FN1: variants seen among roughly 807,000 people sequenced by gnomAD.
FN1 encodes fibronectin 1.
In FN1, 106 loss-of-function variants were observed where a neutral mutation model predicts 297.3. The ratio of observed to expected loss-of-function variants is 0.36; its 90% confidence interval spans 0.30 to 0.42. The LOEUF (loss-of-function observed/expected upper bound fraction) is 0.42. Among genes scored for constraint, FN1 ranks in the 10% least tolerant of loss-of-function variants. The pLI, the probability that FN1 is intolerant of heterozygous loss-of-function variation, is 1.00. For synonymous variants in FN1, 1,149 were observed against 1,152.6 expected (o/e 1.00, Z 0.06); for missense variants, 2,690 against 3,124.9 (o/e 0.86, Z 3.32).
At chr2:215,408,662 G>C (rs994086932) in intron 15 of FN1, among the ~76,000 whole-genome samples, 1 of 152,098 alleles carries the variant, frequency 6.6e-6, no homozygotes, top group Non-Finnish European at 1.5e-5. Flanking sequence ...CTACCTTTCC[G>C]GTTCAAGCAA....
rs557049566 is a variant in FN1, at chr2:215,365,579, C to T, written c.7070G>A (p.Arg2357His). 29 of 1,613,984 alleles carry T rather than the reference C, an allele frequency of 1.8e-5. No homozygotes were observed. Among genetic ancestry groups the T allele is most frequent in the East Asian group, 6.7e-5 (3 of 44,866 alleles). The change falls in exon 43 of 46, where the codon CGT (arginine) becomes CAT (histidine). Residue 2357 changes from arginine to histidine, a missense_variant. Arg to His is a conservative substitution (Grantham distance 29). Around this residue, in one of 3 missense-constraint regions of FN1, gnomAD observed 1,743 missense variants for 1,945.2 expected, o/e 0.90. Coordinates refer to ENST00000354785, the MANE Select transcript of FN1 (RefSeq NM_212482.4). ...VNYKIGEKWD[R>H]QGENGQMMSC... ...CATCATCTGGCCATTTTCTCCCTGA[C>T]GGTCCCACTTCTCTCCAATCTTGTA...
At position 215,392,165 on chromosome 2, in the gene FN1, G is replaced by C; in HGVS notation, c.4070-351C>G. On this transcript the variant is annotated intron_variant, in intron 25 of 45. Transcript: ENST00000354785. Reference sequence around the variant, plus strand: ...TTGCCACACAGCAAAGAGAAACATAGCAGTACTTTACAAAGAAATACATGC... The same window carrying C: ...TTGCCACACAGCAAAGAGAAACATACCAGTACTTTACAAAGAAATACATGC... 1.1e-5 allele frequency: 3 copies of C among 283,398 alleles called. No homozygotes were observed. The South Asian group carries it at 1.1e-4, about 11-fold the overall frequency. 17.6% of individuals were successfully genotyped at this position (283,398 alleles called of 1,614,324 possible).
At chr2:215,380,338 C>CGCCGTATCAT in intron 33 of FN1, 1 of 179,096 alleles carries the variant, frequency 5.6e-6, no homozygotes, top group South Asian at 1.3e-4. Flanking sequence ...TCCTAGGTGT[C>CGCCGTATCAT]TAAATCACAA....
Position 215,430,711 on chromosome 2 carries a change from A to T in FN1, c.685+4T>A, listed in dbSNP as rs749784907. Reference sequence around the variant, plus strand: ...AATCTTTAACATAAAGATGTAAAACATACTTCTAGAAGTGCAAGTGATGCG... The same window carrying T: ...AATCTTTAACATAAAGATGTAAAACTTACTTCTAGAAGTGCAAGTGATGCG... On this transcript the variant is annotated splice_donor_region_variant and intron_variant, in intron 5 of 45. Transcript: ENST00000354785. 2 of 1,613,990 alleles carry T rather than the reference A, an allele frequency of 1.2e-6. No homozygotes were observed. Among genetic ancestry groups the T allele is most frequent in the East Asian group, 4.5e-5 (2 of 44,870 alleles).
At chr2:215,387,005 A>G in intron 27 of FN1, 47 bp from the exon 28 acceptor site, 1 of 1,547,850 alleles carries the variant, frequency 6.5e-7, no homozygotes, top group Non-Finnish European at 8.8e-7. Flanking sequence ...AAGAAAAGAC[A>G]CCACCAGTTT....
At position 215,423,532 on chromosome 2, in the gene FN1, AG is replaced by A. The variant is rs1332273110; in HGVS notation, c.1217-7del. ...TCCTCGAGTCTGAACCAAAACTGCC[AG>A]GAACAATACACAACAAAGAAGGAAA... is the stretch of plus-strand genomic sequence containing the variant. On this transcript the variant is annotated splice_polypyrimidine_tract_variant and splice_region_variant and intron_variant, in intron 8 of 45. Coordinates refer to ENST00000354785, the MANE Select transcript of FN1 (RefSeq NM_212482.4). The A allele has an allele frequency of 9.3e-6, 15 of 1,613,868 alleles. No homozygotes were observed. Among genetic ancestry groups the A allele is most frequent in the Non-Finnish European group, 1.2e-5 (14 of 1,179,750 alleles).
intron 15 of FN1, among the ~76,000 whole-genome samples, 195 bp from the exon 16 acceptor site, chr2:215,408,621 G>A (rs1251104143): frequency 2.0e-5 from 3 of 152,188 alleles, no homozygotes; most frequent in Non-Finnish European, 4.4e-5. Context: ...AGGCTGGAGT[G>A]CAGTGGCACA....
Position 215,379,172 on chromosome 2 carries a change from G to T in FN1, c.5580C>A (p.Asn1860Lys), listed in dbSNP as rs2057820660. Residue 1860 changes from asparagine to lysine, a missense_variant, in exon 34 of 46, where the codon AAC (asparagine) becomes AAA (lysine). Coordinates refer to ENST00000354785, the MANE Select transcript of FN1 (RefSeq NM_212482.4). ...KEKTGPMKEI[N>K]LAPDSSSVVV... Reference sequence around the variant, plus strand: ...CCACGGATGAGCTGTCAGGAGCAAGGTTGATTTCTTTCATTGGTCCGGTCT... The same window carrying T: ...CCACGGATGAGCTGTCAGGAGCAAGTTTGATTTCTTTCATTGGTCCGGTCT... 1 of 1,613,966 alleles carries T rather than the reference G, an allele frequency of 6.2e-7. No homozygotes were observed. The highest frequency in any genetic ancestry group is 8.5e-7 in the Non-Finnish European group (1 of 1,180,012).
In FN1 at chr2:215,406,464, G is replaced by A. The variant is rs764538393; in HGVS notation, c.2760C>T (p.Asp920=). The change falls in exon 19 of 46, where the codon GAC becomes GAT. Residue 920 remains aspartate (D), a synonymous_variant. Transcript: ENST00000354785. ...GTGTCCACATGATGGTGACCTTCAC[G>A]TCTGTCACTTCCACAAACTGCAGGT... ...PRDLQFVEVT[D]VKVTIMWTPP... The A allele has an allele frequency of 2.2e-5, 36 of 1,613,998 alleles. No homozygotes were observed. Among genetic ancestry groups the A allele is most frequent in the African/African-American group, 1.9e-4 (14 of 74,948 alleles).
intron 42 of FN1, among the ~76,000 whole-genome samples, chr2:215,365,966 A>ATT (rs559516647): frequency 0.067 from 6,007 of 90,282 alleles, 332 homozygotes; most frequent in Middle Eastern, 0.1. Context: ...CCACAGTGCT[A>ATT]TTTTTTTTTT....
At chr2:215,406,570 C>T in intron 18 of FN1, 60 bp from the exon 19 acceptor site, 1 of 1,567,906 alleles carries the variant, frequency 6.4e-7, no homozygotes, top group Admixed American at 1.8e-5. Context: ...TTTTAAGAAG[C>T]CAGTTTCTTG....
chr2:215,373,892 C>T (rs915728612), intron 38 of FN1, among the ~76,000 whole-genome samples: 6 of 151,984 alleles, frequency 3.9e-5, no homozygotes, highest in African/African-American at 1.5e-4. Flanking sequence ...CCGTGTTAGC[C>T]AGGATGGTCT....
At chr2:215,414,122 C>T (rs1333486031) in intron 13 of FN1, among the ~76,000 whole-genome samples, 1 of 151,984 alleles carries the variant, frequency 6.6e-6, no homozygotes, top group Non-Finnish European at 1.5e-5. Flanking sequence ...TTTTTTTCTC[C>T]TGTGTTTAAA....
In FN1 at chr2:215,373,217, C is replaced by T. The variant is rs2056585715; in HGVS notation, c.6247+105G>A. On this transcript the variant is annotated intron_variant, in intron 39 of 45. Transcript: ENST00000354785. ...CTATGCTGTTAGATAAAAAAAATCA[C>T]AAGAAATGCATCAAAACATGGAGAA... The T allele has an allele frequency of 2.4e-5, 21 of 884,866 alleles. No homozygotes were observed. The South Asian group carries it at 2.6e-4, about 11-fold the overall frequency. 54.8% of individuals were successfully genotyped at this position (884,866 alleles called of 1,614,324 possible). A position where few individuals can be genotyped will look rare whatever the true frequency, so the allele number is the denominator to read the frequency against.
intron 13 of FN1, among the ~76,000 whole-genome samples, chr2:215,412,758 A>ATTTTTTTT (rs1267705576): frequency 3.8e-5 from 2 of 51,964 alleles, no homozygotes; most frequent in African/African-American, 7.0e-5. Flanking sequence ...TATATTAAGT[A>ATTTTTTTT]TCTTTTTTTT....
rs1230302421 is a variant in FN1, at chr2:215,397,812, G to A, written c.3385C>T (p.Arg1129Ter). The change falls in exon 22 of 46, where the codon CGA becomes TGA. Residue 1129 changes from arginine to a stop codon, truncating the protein, a stop_gained. Transcript: ENST00000354785. LOFTEE classifies it high-confidence loss of function. ...VRPSQGGEAP[R>*]EVTSDSGSIV... ...CTTCCTGAGTCTGAAGTCACTTCTC[G>A]TGGTGCCTCTCCTCCCTGGCTTGGT... The A allele has an allele frequency of 1.2e-6, 2 of 1,614,012 alleles. No individual in the cohort carries two copies. The highest frequency in any genetic ancestry group is 2.2e-5 in the East Asian group (1 of 44,884).
intron 13 of FN1, among the ~76,000 whole-genome samples, chr2:215,410,805 C>G: frequency 6.6e-6 from 1 of 152,172 alleles, no homozygotes; most frequent in East Asian, 1.9e-4. Context: ...CCACGCCCAC[C>G]CACACCTTCA....
chr2:215,420,368 CAAAA>C (rs11411384), intron 11 of FN1, among the ~76,000 whole-genome samples: 55 of 143,788 alleles, frequency 3.8e-4, no homozygotes, highest in African/African-American at 1.1e-3. Context: ...CAAAAACAAA[CAAAA>C]AAAAAAGGAA....
chr2:215,412,760 C>CTTTTTTTTATTTTTTTTTT (rs2062846112), intron 13 of FN1, among the ~76,000 whole-genome samples: 1 of 97,570 alleles, frequency 1.0e-5, no homozygotes, highest in African/African-American at 4.3e-5. Context: ...TATTAAGTAT[C>CTTTTTTTTATTTTTTTTTT]TTTTTTTTTT....
Sources: gnomAD v4.1 joint callset for allele counts (sites outside exome capture counted in the v4.1 genomes callset) on GRCh38, gnomAD v4.1.1 for gene constraint, gnomAD v4.1.1 regional missense constraint, MANE v1.5 for transcripts, NCBI Gene and HGNC (gene_info 2026-07-23, HGNC 2026-07-21) for gene names.